Variants in PPFIBP1 observed in about 807,000 individuals in gnomAD.
PPFIBP1 encodes PPFIB scaffold protein 1.
Under a neutral mutation model 137.8 loss-of-function variants are expected in PPFIBP1, and 112 were observed. The observed-to-expected ratio is 0.81, with a 90% CI of 0.70 to 0.95. The LOEUF (loss-of-function observed/expected upper bound fraction) is 0.95. PPFIBP1 is among the 40% of genes least tolerant of loss of function. The pLI is 0.00. For missense variants in PPFIBP1, 1,083 were observed against 1,196.6 expected (o/e 0.91, Z 1.40); for synonymous variants, 378 against 417.3 (o/e 0.91, Z 1.15).
At chr12:27,632,994 G>C (rs959595608) in intron 2 of PPFIBP1, among the ~76,000 whole-genome samples, 1 of 152,148 alleles carries the variant, frequency 6.6e-6, no homozygotes, top group Non-Finnish European at 1.5e-5. Flanking sequence ...AGCAGAGATT[G>C]GGTGGGGCTG....
chr12:27,642,171 G>A (rs2058157529), intron 4 of PPFIBP1, among the ~76,000 whole-genome samples: 2 of 152,174 alleles, frequency 1.3e-5, no homozygotes, highest in African/African-American at 4.8e-5. Context: ...GGAAAACCTG[G>A]CAGAGGCCAT....
intron 1 of PPFIBP1, among the ~76,000 whole-genome samples, chr12:27,527,351 T>G (rs1315440656): frequency 2.6e-5 from 4 of 151,894 alleles, no homozygotes; most frequent in Admixed American, 1.3e-4. Flanking sequence ...CAGGTTCAAA[T>G]GATCCTCCCA....
At chr12:27,668,390 A>G (rs1024245591) in intron 13 of PPFIBP1, among the ~76,000 whole-genome samples, 1 of 152,180 alleles carries the variant, frequency 6.6e-6, no homozygotes, top group South Asian at 2.1e-4. Context: ...CTCCCATTAA[A>G]AAGGGGGAGC....
chr12:27,533,462 GA>G (rs1198065314), intron 1 of PPFIBP1, among the ~76,000 whole-genome samples: 1 of 152,106 alleles, frequency 6.6e-6, no homozygotes, highest in Non-Finnish European at 1.5e-5. Context: ...ACTTTCCCAG[GA>G]TCACACAGAT....
intron 8 of PPFIBP1, among the ~76,000 whole-genome samples, chr12:27,655,576 G>T (rs2059148691): frequency 6.6e-6 from 1 of 152,156 alleles, no homozygotes; most frequent in Admixed American, 6.6e-5. Context: ...TTCCTCTTTA[G>T]GGACTTTCTT....
At position 27,594,056 on chromosome 12, in the gene PPFIBP1, A is replaced by G. The variant is rs1288836333; in HGVS notation, c.-36+15817A>G. ...ATATGCCATGGAGTTCAAAGGCACAAATCTCTCTCAACTTGAGAAGCTTCA... is the reference window on the plus strand; with the variant it reads ...ATATGCCATGGAGTTCAAAGGCACAGATCTCTCTCAACTTGAGAAGCTTCA... On this transcript the variant is annotated intron_variant, in intron 2 of 29. Transcript: ENST00000228425. The G allele has an allele frequency of 2.3e-6, 3 of 1,303,966 alleles. No homozygotes were observed. The Admixed American group carries it at 9.3e-5, about 40-fold the overall frequency. 80.8% of individuals were successfully genotyped at this position (1,303,966 alleles called of 1,614,324 possible). A position where few individuals can be genotyped will look rare whatever the true frequency, so the allele number is the denominator to read the frequency against.
chr12:27,625,533 T>G (rs2056740308), intron 2 of PPFIBP1, among the ~76,000 whole-genome samples: 1 of 151,888 alleles, frequency 6.6e-6, no homozygotes. Flanking sequence ...ACTGTTCAAA[T>G]TTCCAGTTAT....
rs201835027 is a variant in PPFIBP1 at position 27,612,504 on chromosome 12, AC to A, written c.-35-20855del. 4.6e-3 allele frequency among the ~76,000 whole-genome samples: 691 copies of A among 151,480 alleles called. 6 individuals carry two copies. Among genetic ancestry groups the A allele is most frequent in the African/African-American group, 0.016 (655 of 41,300 alleles). On this transcript the variant is annotated intron_variant, in intron 2 of 29. Transcript: ENST00000228425. ...TGGGACTACAGATGTGTGCCACCAC[AC>A]CCAGCTAACTGTTTGTTTGTTTTAA...
rs148434770 is a variant in PPFIBP1 at position 27,526,211 on chromosome 12, C to A, written c.-124+1846C>A. On this transcript the variant is annotated intron_variant, in intron 1 of 29. Coordinates refer to ENST00000228425, the MANE Select transcript of PPFIBP1 (RefSeq NM_003622.4). ...ATACCAAAAGATGGGGCTGCAAAAG[C>A]CAGACGGTTCAGTAAAGAAGAGTAT... Among the ~76,000 whole-genome samples, 64 of 152,246 alleles carry A rather than the reference C, an allele frequency of 4.2e-4. No homozygotes were observed. The East Asian group carries it at 8.1e-3, about 19-fold the overall frequency.
intron 1 of PPFIBP1, among the ~76,000 whole-genome samples, chr12:27,554,810 C>A (rs1339080481): frequency 6.6e-6 from 1 of 151,958 alleles, no homozygotes; most frequent in Non-Finnish European, 1.5e-5. Flanking sequence ...GGAATGTTGC[C>A]AAATTGGAAT....
At chr12:27,638,112 G>A (rs1483215118) in intron 4 of PPFIBP1, among the ~76,000 whole-genome samples, 1 of 152,120 alleles carries the variant, frequency 6.6e-6, no homozygotes, top group Admixed American at 6.6e-5. Flanking sequence ...TTTGCTAGAT[G>A]AAAAGAGTTA....
At position 27,557,857 on chromosome 12, in the gene PPFIBP1, T is replaced by G. The variant is rs1187370401; in HGVS notation, c.-123-20295T>G. Among the ~76,000 whole-genome samples the G allele has an allele frequency of 6.6e-5, 10 of 152,330 alleles. 1 individual carries two copies. Among genetic ancestry groups the G allele is most frequent in the Admixed American group, 6.5e-4 (10 of 15,306 alleles). ...AACCTGGAATTACTGGAATGTGAAC[T>G]TCCTTATATTTATTTTCAAGCACTC... On this transcript the variant is annotated intron_variant, in intron 1 of 29. Transcript: ENST00000228425.
At chr12:27,665,934 GTC>G (rs2059829394) in intron 12 of PPFIBP1, among the ~76,000 whole-genome samples, 1 of 152,196 alleles carries the variant, frequency 6.6e-6, no homozygotes, top group Admixed American at 6.5e-5. Flanking sequence ...CAGAAGAAGA[GTC>G]TCTATCCTAT....
At chr12:27,633,259 A>G in intron 2 of PPFIBP1, 103 bp from the exon 3 acceptor site, 1 of 758,680 alleles carries the variant, frequency 1.3e-6, no homozygotes, top group Admixed American at 2.5e-5. Context: ...TTCTTCTTCC[A>G]TATTTGACTA....
chr12:27,555,108 G>A (rs1471967943), intron 1 of PPFIBP1, among the ~76,000 whole-genome samples: 1 of 152,156 alleles, frequency 6.6e-6, no homozygotes, highest in Non-Finnish European at 1.5e-5. Flanking sequence ...CCAAGCTGTT[G>A]ACAGGAGGTG....
chr12:27,676,079 G>A (rs1015258660), intron 17 of PPFIBP1, among the ~76,000 whole-genome samples: 1 of 152,156 alleles, frequency 6.6e-6, no homozygotes, highest in African/African-American at 2.4e-5. Context: ...TCAGAAATCT[G>A]CTGCTATTAT....
intron 1 of PPFIBP1, among the ~76,000 whole-genome samples, chr12:27,559,529 A>G (rs1217212350): frequency 6.6e-6 from 1 of 152,188 alleles, no homozygotes; most frequent in Non-Finnish European, 1.5e-5. Context: ...CTAAATACTG[A>G]TATCAGCTGT....
intron 4 of PPFIBP1, among the ~76,000 whole-genome samples, chr12:27,641,429 T>C (rs1442743930): frequency 6.6e-6 from 1 of 152,164 alleles, no homozygotes; most frequent in Non-Finnish European, 1.5e-5. Flanking sequence ...CATGATGTTA[T>C]AAGTAAAAAC....
In PPFIBP1 at chr12:27,525,526, A is replaced by AG. The variant is rs1381483351; in HGVS notation, c.-124+1161_-124+1162insG. On this transcript the variant is annotated intron_variant, in intron 1 of 29. Coordinates refer to ENST00000228425, the MANE Select transcript of PPFIBP1 (RefSeq NM_003622.4). ...TGGAGCAGGAAGGAAAAAAAAAAAA[A>AG]AAAAAAAAAAGTAAGCGCTGAGACT... is the stretch of plus-strand genomic sequence containing the variant. Among the ~76,000 whole-genome samples the AG allele has an allele frequency of 2.0e-4, 31 of 151,382 alleles. No individual in the cohort carries two copies. The East Asian group carries it at 4.9e-3, about 24-fold the overall frequency.
Sources: allele counts gnomAD v4.1 joint callset (sites outside exome capture counted in the v4.1 genomes callset), GRCh38; gene constraint gnomAD v4.1.1; transcripts MANE v1.5; gene names NCBI Gene and HGNC (gene_info 2026-07-23, HGNC 2026-07-21).